The following LRRC7 variants were observed in gnomAD, a reference collection of about 807,000 sequenced individuals.
LRRC7 encodes the protein leucine rich repeat containing 7.
Under a neutral mutation model 175.7 loss-of-function variants are expected in LRRC7, and 23 were observed. The observed-to-expected ratio is 0.13, with a 90% CI of 0.09 to 0.19. LRRC7 has a LOEUF of 0.19. Ranked by LOEUF, LRRC7 falls within the 10% of genes least tolerant of loss-of-function variation. LRRC7 has a pLI of 1.00. For missense variants in LRRC7, 1,354 were observed against 1,904.7 expected (o/e 0.71, Z 5.38); for synonymous variants, 685 against 680.9 (o/e 1.01, Z -0.09).
chr1:69,718,975 T>C (rs765906448), intron 2 of LRRC7, among the ~76,000 whole-genome samples: 3 of 151,848 alleles, frequency 2.0e-5, no homozygotes, highest in Non-Finnish European at 4.4e-5. Context: ...CTTTCCTATA[T>C]CAATCCCAAT....
At chr1:70,081,105 ACCTGGG>A (rs1323125441) in intron 24 of LRRC7, among the ~76,000 whole-genome samples, 2 of 152,226 alleles carry the variant, frequency 1.3e-5, no homozygotes, top group African/African-American at 4.8e-5. Context: ...GCTGCATGTG[ACCTGGG>A]CAATGAGACT....
At chr1:69,672,103 C>T (rs776594118) in intron 1 of LRRC7, among the ~76,000 whole-genome samples, 8 of 152,154 alleles carry the variant, frequency 5.3e-5, no homozygotes, top group Non-Finnish European at 1.2e-4. Flanking sequence ...TGGTGTGCTG[C>T]ACCCATTAAC....
At chr1:69,686,517 A>G (rs1411465983) in intron 2 of LRRC7, among the ~76,000 whole-genome samples, 2 of 152,210 alleles carry the variant, frequency 1.3e-5, no homozygotes, top group East Asian at 1.9e-4. Flanking sequence ...TTGAAATGGT[A>G]TAACACTGAT....
intron 2 of LRRC7, among the ~76,000 whole-genome samples, chr1:69,731,266 CACTCCAGCAAG>C (rs946577001): frequency 1.3e-5 from 2 of 152,064 alleles, no homozygotes; most frequent in African/African-American, 4.8e-5. Flanking sequence ...CACGCCACTG[CACTCCAGCAAG>C]ACTCCATTAC....
chr1:69,991,075 A>G (rs1654389589), intron 10 of LRRC7, among the ~76,000 whole-genome samples: 1 of 151,778 alleles, frequency 6.6e-6, no homozygotes, highest in South Asian at 2.1e-4. Flanking sequence ...GGATTGCTTG[A>G]GCCCAGGAGT....
At chr1:70,016,710 C>T (rs1656993880) in intron 14 of LRRC7, among the ~76,000 whole-genome samples, 176 bp downstream of exon 14, 1 of 152,116 alleles carries the variant, frequency 6.6e-6, no homozygotes, top group African/African-American at 2.4e-5. Flanking sequence ...GAAGTCAAAA[C>T]AGTACTGTAA....
intron 4 of LRRC7, 127 bp from the exon 5 acceptor site, chr1:69,825,621 C>T (rs528421362): frequency 4.6e-6 from 2 of 435,988 alleles, no homozygotes; most frequent in South Asian, 7.2e-5. Flanking sequence ...TACTTAAATG[C>T]TTATCCTAAA....
At chr1:69,708,460 C>T (rs1197699186) in intron 2 of LRRC7, among the ~76,000 whole-genome samples, 2 of 152,168 alleles carry the variant, frequency 1.3e-5, no homozygotes, top group African/African-American at 2.4e-5. Flanking sequence ...GTTGTTTCTT[C>T]TCCCAGAATT....
chr1:69,800,404 A>T (rs1045106918), intron 4 of LRRC7, among the ~76,000 whole-genome samples: 6 of 151,890 alleles, frequency 4.0e-5, no homozygotes, highest in Admixed American at 3.9e-4. Flanking sequence ...TCTTTGGGTC[A>T]TCTACAATTT....
chr1:69,769,254 T>G, intron 3 of LRRC7, among the ~76,000 whole-genome samples: 1 of 152,206 alleles, frequency 6.6e-6, no homozygotes, highest in East Asian at 1.9e-4. Flanking sequence ...TTGCAGTAGT[T>G]GCTCATCTAG....
intron 1 of LRRC7, among the ~76,000 whole-genome samples, chr1:69,660,842 C>G (rs1657360643): frequency 1.3e-5 from 2 of 152,014 alleles, no homozygotes; most frequent in African/African-American, 4.8e-5. Flanking sequence ...CACAATTTGA[C>G]TCATGATTTA....
At position 70,132,111 on chromosome 1, in the gene LRRC7, G is replaced by C. The variant is rs1162445103; in HGVS notation, c.*10224G>C. 1.3e-5 allele frequency: 2 copies of C among 152,106 alleles called. No individual in the cohort carries two copies. The highest frequency in any genetic ancestry group is 4.8e-5 in the African/African-American group (2 of 41,426). 9.4% of individuals were successfully genotyped at this position (152,106 alleles called of 1,614,324 possible). A position where few individuals can be genotyped will look rare whatever the true frequency, so the allele number is the denominator to read the frequency against. On this transcript the variant is annotated 3_prime_UTR_variant, in exon 27 of 27. Transcript: ENST00000651989. ...ACTGGATAAAAGAAATCAGATTCAG[G>C]CATATCCTCCAGTCTCTTCGTTCTG...
chr1:70,135,066 G>A lies in LRRC7; in HGVS notation c.*13179G>A, dbSNP rs1450640564. 5.9e-5 allele frequency among the ~76,000 whole-genome samples: 9 copies of A among 152,146 alleles called. 1 individual carries two copies. Among genetic ancestry groups the A allele is most frequent in the Admixed American group, 5.2e-4 (8 of 15,282 alleles). The stretch of plus-strand genomic sequence containing the variant: ...TTTACTGAAGAGTATAAGAGAAAAC[G>A]TCTTGAAAGTTTGTATGTATGTATT... On this transcript the variant is annotated 3_prime_UTR_variant, in exon 27 of 27. Coordinates refer to ENST00000651989, the MANE Select transcript of LRRC7 (RefSeq NM_001370785.2).
intron 8 of LRRC7, among the ~76,000 whole-genome samples, chr1:69,978,932 G>GAAAAAA (rs3069189): frequency 7.9e-6 from 1 of 126,142 alleles, no homozygotes; most frequent in Non-Finnish European, 1.7e-5. Context: ...GTTTCAGTTA[G>GAAAAAA]AAAAAAAAAA....
intron 3 of LRRC7, among the ~76,000 whole-genome samples, chr1:69,787,474 C>T (rs1674601959): frequency 6.6e-6 from 1 of 152,230 alleles, no homozygotes; most frequent in Admixed American, 6.5e-5. Context: ...CTGCAGCAAA[C>T]ATCTGCCTGG....
intron 1 of LRRC7, among the ~76,000 whole-genome samples, chr1:69,595,222 C>T (rs1646792747): frequency 1.3e-5 from 2 of 152,034 alleles, no homozygotes; most frequent in South Asian, 4.1e-4. Flanking sequence ...GAGATCGAGA[C>T]CATCCTGGCC....
intron 25 of LRRC7, among the ~76,000 whole-genome samples, chr1:70,101,343 T>C (rs189441584): frequency 1.3e-5 from 2 of 152,346 alleles, no homozygotes; most frequent in Admixed American, 1.3e-4. Flanking sequence ...AACCAATTTC[T>C]CAGCATCAGC....
At chr1:69,768,878 C>A (rs1671920372) in intron 3 of LRRC7, among the ~76,000 whole-genome samples, 1 of 152,106 alleles carries the variant, frequency 6.6e-6, no homozygotes, top group African/African-American at 2.4e-5. Flanking sequence ...AGAGTTGTCA[C>A]ATAATGTTTG....
chr1:69,883,608 C>A (rs1686867334), intron 7 of LRRC7, among the ~76,000 whole-genome samples: 1 of 99,924 alleles, frequency 1.0e-5, no homozygotes, highest in South Asian at 3.0e-4. Flanking sequence ...TGCAAAAGCT[C>A]TTTAGTTTAA....
Sources: allele counts gnomAD v4.1 joint callset (sites outside exome capture counted in the v4.1 genomes callset), GRCh38; gene constraint gnomAD v4.1.1; transcripts MANE v1.5; gene names NCBI Gene and HGNC (gene_info 2026-07-23, HGNC 2026-07-21).